The following FGF14 variants were observed in gnomAD, a reference collection of about 807,000 sequenced individuals.
FGF14 encodes the protein fibroblast growth factor homologous factor 4.
A neutral mutation model predicts 25.5 loss-of-function variants in FGF14; 5 were observed. The ratio of observed to expected loss-of-function variants is 0.20; its 90% confidence interval spans 0.10 to 0.41. FGF14 has a LOEUF of 0.41. Among genes scored for constraint, FGF14 ranks in the 10% least tolerant of loss-of-function variants. The pLI is 1.00. For missense variants in FGF14, 222 were observed against 320.1 expected, an observed-to-expected ratio of 0.69 and a Z score of 2.34; for synonymous variants, 138 against 118.3, an observed-to-expected ratio of 1.17 and a Z score of -1.08.
intron 3 of FGF14, among the ~76,000 whole-genome samples, chr13:101,730,314 G>A (rs1455857006): frequency 1.3e-5 from 2 of 152,134 alleles, no homozygotes; most frequent in East Asian, 1.9e-4. Flanking sequence ...GTATATGTGT[G>A]TTCACGTTAA....
At chr13:101,840,653 G>A (rs759399175) in intron 3 of FGF14, among the ~76,000 whole-genome samples, 6 of 151,902 alleles carry the variant, frequency 3.9e-5, no homozygotes, top group Non-Finnish European at 8.8e-5. Context: ...AATCATTCAT[G>A]CAGTGTTGTA....
chr13:101,978,256 T>C (rs2038046574), intron 1 of FGF14, among the ~76,000 whole-genome samples: 2 of 152,254 alleles, frequency 1.3e-5, no homozygotes, highest in Admixed American at 1.3e-4. Context: ...GCCTTGCTAA[T>C]GAAGTTTTCC....
upstream of FGF14, among the ~76,000 whole-genome samples, chr13:101,918,066 T>C (rs1281356222): frequency 6.6e-6 from 1 of 151,824 alleles, no homozygotes; most frequent in African/African-American, 2.4e-5. Context: ...ATCTGAACTG[T>C]GTCTGAAATT....
chr13:101,950,919 A>AAGAAG lies in FGF14; in HGVS notation c.209-75624_209-75623insCTTCT, dbSNP rs532370242. 4.5e-4 allele frequency among the ~76,000 whole-genome samples: 68 copies of AAGAAG among 152,290 alleles called. 1 individual carries two copies. Among genetic ancestry groups the AAGAAG allele is most frequent in the African/African-American group, 1.5e-3 (64 of 41,564 alleles). On this transcript the variant is annotated intron_variant, in intron 1 of 4. Coordinates refer to the FGF14 transcript ENST00000376131. ...TCCTGAAATGCTTACTTACTCTTTA[A>AAGAAG]AGAAAAGTGTTGGAAAGTGCTCCAA... is the stretch of plus-strand genomic sequence containing the variant.
At chr13:102,306,301 G>A (rs1726501687) in intron 1 of FGF14, among the ~76,000 whole-genome samples, 2 of 152,180 alleles carry the variant, frequency 1.3e-5, no homozygotes, top group Non-Finnish European at 2.9e-5. Context: ...ATACAAAGAA[G>A]ATGAAGAGCC....
At chr13:102,027,725 A>G (rs981191677) in intron 1 of FGF14, among the ~76,000 whole-genome samples, 3 of 151,994 alleles carry the variant, frequency 2.0e-5, no homozygotes, top group African/African-American at 7.2e-5. Flanking sequence ...AGAAGAGAAT[A>G]GTTTAGGACA....
intron 1 of FGF14, among the ~76,000 whole-genome samples, chr13:101,939,200 T>C (rs1173478861): frequency 1.3e-5 from 2 of 152,218 alleles, no homozygotes; most frequent in South Asian, 4.1e-4. Flanking sequence ...TTTGTTATAC[T>C]TTCTCATTCC....
chr13:101,739,794 AG>A (rs1162756776), intron 3 of FGF14, among the ~76,000 whole-genome samples: 1 of 152,184 alleles, frequency 6.6e-6, no homozygotes, highest in African/African-American at 2.4e-5. Flanking sequence ...ACCTGTTTTA[AG>A]AAAAAAAGAA....
At chr13:102,342,368 T>G (rs1252777264) in intron 1 of FGF14, among the ~76,000 whole-genome samples, 1 of 152,152 alleles carries the variant, frequency 6.6e-6, no homozygotes. Flanking sequence ...CAGGGCTTCA[T>G]TTTTAATTTG....
intron 1 of FGF14, among the ~76,000 whole-genome samples, chr13:101,996,504 T>C (rs535456307): frequency 3.9e-5 from 6 of 152,276 alleles, no homozygotes; most frequent in African/African-American, 1.2e-4. Context: ...CTAGGAGATG[T>C]AGCTGATAAA....
intron 1 of FGF14, among the ~76,000 whole-genome samples, chr13:101,994,286 G>A (rs2139689916): frequency 6.6e-6 from 1 of 152,014 alleles, no homozygotes; most frequent in Admixed American, 6.6e-5. Flanking sequence ...AAAATTAAAA[G>A]TTAGAAAAAT....
At chr13:102,059,071 T>C (rs1225126251) in intron 1 of FGF14, among the ~76,000 whole-genome samples, 1 of 152,048 alleles carries the variant, frequency 6.6e-6, no homozygotes, top group Non-Finnish European at 1.5e-5. Flanking sequence ...GGGCTGTATA[T>C]GGTCTAGAAA....
At chr13:102,067,661 A>C (rs769314985) in intron 1 of FGF14, among the ~76,000 whole-genome samples, 1 of 150,548 alleles carries the variant, frequency 6.6e-6, no homozygotes, top group African/African-American at 2.5e-5. Flanking sequence ...ATCTACAAAA[A>C]CCTCAAAAAG....
At chr13:102,222,408 T>C (rs1003475237) in intron 1 of FGF14, among the ~76,000 whole-genome samples, 14 of 152,170 alleles carry the variant, frequency 9.2e-5, no homozygotes, top group Non-Finnish European at 1.8e-4. Flanking sequence ...ATTTTGAAAG[T>C]TGAAGGCATT....
chr13:101,997,632 AGG>A (rs2039255809), intron 1 of FGF14, among the ~76,000 whole-genome samples: 1 of 152,188 alleles, frequency 6.6e-6, no homozygotes, highest in South Asian at 2.1e-4. Context: ...ACAAGCTTCC[AGG>A]TGATAGAGAT....
chr13:101,990,859 G>A (rs1317833180), intron 1 of FGF14, among the ~76,000 whole-genome samples: 5 of 152,056 alleles, frequency 3.3e-5, no homozygotes, highest in African/African-American at 1.2e-4. Context: ...TTCACATATA[G>A]CATTAAGATA....
intron 1 of FGF14, among the ~76,000 whole-genome samples, chr13:102,005,894 T>A (rs1364924053): frequency 1.3e-5 from 2 of 152,196 alleles, no homozygotes; most frequent in African/African-American, 4.8e-5. Flanking sequence ...GGAAAAGTCA[T>A]AAGAAAAATT....
rs541000818 is a variant in FGF14 at position 102,358,163 on chromosome 13, G to A, written c.208+43308C>T. Among the ~76,000 whole-genome samples, 151 of 151,868 alleles carry A rather than the reference G, an allele frequency of 9.9e-4. 1 individual carries two copies. Among genetic ancestry groups the A allele is most frequent in the Non-Finnish European group, 1.8e-3 (122 of 67,944 alleles). On this transcript the variant is annotated intron_variant, in intron 1 of 4. Coordinates refer to the FGF14 transcript ENST00000376131. ...TAGAACATAATTTTTTAAACCCTTG[G>A]TGTCCTCTAAATAATGATTGCATAT...
chr13:101,908,773 G>T (rs985710893), intron 1 of FGF14, among the ~76,000 whole-genome samples: 1 of 152,082 alleles, frequency 6.6e-6, no homozygotes, highest in African/African-American at 2.4e-5. Flanking sequence ...AAAAGAGCCC[G>T]CATTGCTAAG....
Sources: allele counts gnomAD v4.1 joint callset (sites outside exome capture counted in the v4.1 genomes callset), GRCh38; gene constraint gnomAD v4.1.1; transcripts MANE v1.5; gene names NCBI Gene and HGNC (gene_info 2026-07-23, HGNC 2026-07-21).